SYN3: variants seen among roughly 807,000 people sequenced by gnomAD.
SYN3 encodes the protein synapsin III.
SYN3 carries 35 observed loss-of-function variants against 65.8 expected under a neutral mutation model. The observed-to-expected ratio is 0.53, with a 90% CI of 0.41 to 0.70. The LOEUF (loss-of-function observed/expected upper bound fraction) is 0.70. Ranked by LOEUF, SYN3 falls within the 30% of genes least tolerant of loss-of-function variation. The pLI, the probability that SYN3 is intolerant of heterozygous loss-of-function variation, is 0.00. For missense variants in SYN3, 680 were observed against 749.0 expected, an observed-to-expected ratio of 0.91 and a Z score of 1.08; for synonymous variants, 270 against 292.9, an observed-to-expected ratio of 0.92 and a Z score of 0.80.
chr22:32,591,367 T>G (rs1269963732), intron 7 of SYN3, among the ~76,000 whole-genome samples: 1 of 152,192 alleles, frequency 6.6e-6, no homozygotes, highest in Non-Finnish European at 1.5e-5. Context: ...TACAAATTAA[T>G]AAAAGGACAA....
At chr22:32,977,130 C>A (rs983640433) in intron 3 of SYN3, among the ~76,000 whole-genome samples, 7 of 152,154 alleles carry the variant, frequency 4.6e-5, no homozygotes, top group African/African-American at 1.7e-4. Context: ...GGTTTCCTGG[C>A]TAATTCACCT....
intron 6 of SYN3, among the ~76,000 whole-genome samples, chr22:32,687,533 A>C (rs1274723909): frequency 1.3e-5 from 2 of 152,098 alleles, no homozygotes; most frequent in African/African-American, 4.8e-5. Flanking sequence ...GCTAAGTCTA[A>C]GCCCCCATTA....
intron 1 of SYN3, among the ~76,000 whole-genome samples, chr22:33,038,258 C>T (rs1369462985): frequency 6.6e-6 from 1 of 152,218 alleles, no homozygotes; most frequent in African/African-American, 2.4e-5. Flanking sequence ...GGAAGCAGAG[C>T]CTTCACATCC....
intron 6 of SYN3, among the ~76,000 whole-genome samples, chr22:32,663,303 TTC>T (rs763144048): frequency 7.5e-6 from 1 of 134,164 alleles, no homozygotes; most frequent in Non-Finnish European, 1.5e-5. Flanking sequence ...TTTTCTTTTC[TTC>T]TCTTTTTTTT....
intron 6 of SYN3, among the ~76,000 whole-genome samples, chr22:32,680,028 A>C (rs902518988): frequency 7.9e-5 from 12 of 151,934 alleles, no homozygotes; most frequent in African/African-American, 2.7e-4. Context: ...GGCAGAGCCT[A>C]GTCTGCTTTA....
At chr22:32,728,886 C>G (rs751330558) in intron 6 of SYN3, among the ~76,000 whole-genome samples, 2 of 152,136 alleles carry the variant, frequency 1.3e-5, no homozygotes, top group Non-Finnish European at 2.9e-5. Flanking sequence ...GGGCAGAGCA[C>G]ACTCCTGTGG....
intron 3 of SYN3, among the ~76,000 whole-genome samples, chr22:32,939,643 T>C (rs2050880472): frequency 6.6e-6 from 1 of 152,244 alleles, no homozygotes; most frequent in Admixed American, 6.5e-5. Flanking sequence ...ATTTGCCTTC[T>C]TTCATATCTG....
chr22:32,518,009 A>G (rs1331680637), intron 13 of SYN3, 34 bp downstream of exon 13: 1 of 1,505,770 alleles, frequency 6.6e-7, no homozygotes, highest in East Asian at 2.3e-5. Flanking sequence ...CCCCAGCTCT[A>G]TCCTATACCT....
intron 3 of SYN3, among the ~76,000 whole-genome samples, chr22:32,965,407 A>C (rs762112512): frequency 2.6e-5 from 4 of 152,084 alleles, no homozygotes; most frequent in Non-Finnish European, 5.9e-5. Flanking sequence ...TATATTGAAC[A>C]CAGATTAGGT....
intron 7 of SYN3, among the ~76,000 whole-genome samples, chr22:32,586,836 C>T (rs2059051186): frequency 1.3e-5 from 2 of 152,074 alleles, no homozygotes; most frequent in South Asian, 4.1e-4. Flanking sequence ...AACTTCATTG[C>T]AGAGGATGTG....
rs2060337266 is a variant in SYN3, at chr22:32,669,835, T to G, written c.712-73099A>C. On this transcript the variant is annotated intron_variant, in intron 6 of 13. Transcript: ENST00000358763. ...AGCTGACACATTCTCTCCCTTCTTCTTCATCCTTTTTTTCTTTCTGTTGGA... is the reference window on the plus strand; with the variant it reads ...AGCTGACACATTCTCTCCCTTCTTCGTCATCCTTTTTTTCTTTCTGTTGGA... Among the ~76,000 whole-genome samples, 10 of 152,360 alleles carry G rather than the reference T, an allele frequency of 6.6e-5. 1 individual carries two copies. In the South Asian group the frequency reaches 2.1e-3, roughly 32 times the overall value.
Position 32,678,532 on chromosome 22 carries a change from T to TTCCTCC in SYN3, c.712-81802_712-81797dup, listed in dbSNP as rs71187209. Among the ~76,000 whole-genome samples the TTCCTCC allele has an allele frequency of 4.0e-5, 6 of 151,560 alleles. No individual in the cohort carries two copies. In the East Asian group the frequency reaches 6.0e-4, roughly 15 times the overall value. ...AGATCATCCTTGTCGTTGAAAGACCTTCCTCCTCCTCCTCCTCCTTCATCC... is the reference window on the plus strand; with the variant it reads ...AGATCATCCTTGTCGTTGAAAGACCTTCCTCCTCCTCCTCCTCCTCCTCCTTCATCC... On this transcript the variant is annotated intron_variant, in intron 6 of 13. Coordinates refer to ENST00000358763, the MANE Select transcript of SYN3 (RefSeq NM_003490.4).
At chr22:32,797,202 A>G (rs753749662) in intron 6 of SYN3, among the ~76,000 whole-genome samples, 1 of 151,980 alleles carries the variant, frequency 6.6e-6, no homozygotes, top group Non-Finnish European at 1.5e-5. Flanking sequence ...AGCTCCGTGA[A>G]CTCTCCAAGG....
chr22:32,910,270 G>C (rs986712205), intron 4 of SYN3, among the ~76,000 whole-genome samples: 5 of 152,292 alleles, frequency 3.3e-5, no homozygotes, highest in African/African-American at 1.2e-4. Context: ...ATAAACAGAT[G>C]AAAGTGTTTA....
intron 1 of SYN3, among the ~76,000 whole-genome samples, chr22:33,039,021 C>G (rs1236775825): frequency 6.6e-6 from 1 of 152,178 alleles, no homozygotes; most frequent in East Asian, 1.9e-4. Flanking sequence ...GCTCATCTCC[C>G]AGGGCCCCTT....
At chr22:32,875,988 C>T (rs1357555947) in intron 4 of SYN3, among the ~76,000 whole-genome samples, 5 of 152,168 alleles carry the variant, frequency 3.3e-5, no homozygotes, top group Admixed American at 1.3e-4. Flanking sequence ...TTTGTTCTGG[C>T]GTACACCCAT....
intron 4 of SYN3, among the ~76,000 whole-genome samples, chr22:32,930,440 T>C (rs1307852642): frequency 1.3e-5 from 2 of 152,198 alleles, no homozygotes; most frequent in Non-Finnish European, 2.9e-5. Flanking sequence ...TCTTTTTCTT[T>C]ATGAATTACC....
intron 6 of SYN3, among the ~76,000 whole-genome samples, chr22:32,604,991 GC>G (rs1167132860): frequency 7.0e-6 from 1 of 143,652 alleles, no homozygotes; most frequent in Admixed American, 7.0e-5. Flanking sequence ...GGGCGATAGA[GC>G]GAGACTCCAT....
chr22:33,016,128 G>C (rs2145843961), intron 1 of SYN3, among the ~76,000 whole-genome samples: 1 of 152,248 alleles, frequency 6.6e-6, no homozygotes, highest in South Asian at 2.1e-4. Context: ...TTACAGGCGT[G>C]AGCCACCGCG....
Sources: allele counts gnomAD v4.1 joint callset (sites outside exome capture counted in the v4.1 genomes callset), GRCh38; gene constraint gnomAD v4.1.1; transcripts MANE v1.5; gene names NCBI Gene and HGNC (gene_info 2026-07-23, HGNC 2026-07-21).